The following LRP1B variants were observed in gnomAD, a reference collection of about 807,000 sequenced individuals.
The protein encoded by LRP1B is low-density lipoprotein receptor-related protein 1B.
Under a neutral mutation model 556.6 loss-of-function variants are expected in LRP1B, and 217 were observed. The ratio of observed to expected loss-of-function variants is 0.39; its 90% CI spans 0.35 to 0.44. LRP1B has a LOEUF of 0.44. LRP1B is among the 20% of genes least tolerant of loss of function. The pLI, the probability that LRP1B is intolerant of heterozygous loss-of-function variation, is 1.00. For missense variants in LRP1B, 5,053 were observed against 5,620.8 expected, an observed-to-expected ratio of 0.90 and a Z score of 3.23; for synonymous variants, 2,047 against 1,865.8, an observed-to-expected ratio of 1.10 and a Z score of -2.50.
chr2:141,336,521 C>T (rs1172593390), intron 3 of LRP1B, among the ~76,000 whole-genome samples: 1 of 152,054 alleles, frequency 6.6e-6, no homozygotes. Context: ...GTTAATTTTG[C>T]TTACAATTTT....
At chr2:141,150,708 G>T (rs774729186) in intron 7 of LRP1B, among the ~76,000 whole-genome samples, 59 of 152,116 alleles carry the variant, frequency 3.9e-4, no homozygotes, top group Non-Finnish European at 7.3e-4. Flanking sequence ...AAAGCCTTAA[G>T]TGACTTCACT....
At chr2:141,316,935 A>G (rs2105462208) in intron 3 of LRP1B, among the ~76,000 whole-genome samples, 1 of 152,340 alleles carries the variant, frequency 6.6e-6, no homozygotes, top group South Asian at 2.1e-4. Context: ...GGCAAGGTAC[A>G]ATGATAACAA....
intron 1 of LRP1B, among the ~76,000 whole-genome samples, chr2:142,000,766 T>A (rs1458148996): frequency 6.6e-6 from 1 of 152,224 alleles, no homozygotes. Flanking sequence ...TCTACTATTA[T>A]GCCTGTTCTA....
At chr2:141,033,821 C>T (rs1220951158) in intron 11 of LRP1B, among the ~76,000 whole-genome samples, 2 of 152,132 alleles carry the variant, frequency 1.3e-5, no homozygotes, top group Non-Finnish European at 2.9e-5. Flanking sequence ...GAACTGTGAA[C>T]AATAAATGTT....
At chr2:141,833,106 A>T (rs1298757446) in intron 1 of LRP1B, among the ~76,000 whole-genome samples, 1 of 151,786 alleles carries the variant, frequency 6.6e-6, no homozygotes. Context: ...CAGTTTTTAG[A>T]ATGAGATTTC....
At chr2:141,874,021 T>A (rs1034470461) in intron 1 of LRP1B, among the ~76,000 whole-genome samples, 1 of 143,356 alleles carries the variant, frequency 7.0e-6, no homozygotes, top group Admixed American at 7.0e-5. Flanking sequence ...AAGGAATATA[T>A]AAAACACAGA....
At chr2:141,912,283 A>G (rs1699925073) in intron 1 of LRP1B, among the ~76,000 whole-genome samples, 1 of 152,126 alleles carries the variant, frequency 6.6e-6, no homozygotes, top group South Asian at 2.1e-4. Flanking sequence ...GTATAATTCC[A>G]CTAATCATTA....
chr2:140,789,581 C>G (rs916242239), intron 32 of LRP1B, among the ~76,000 whole-genome samples: 1 of 149,814 alleles, frequency 6.7e-6, no homozygotes, highest in African/African-American at 2.5e-5. Flanking sequence ...CTAGCTATAC[C>G]AGCTGAGGCA....
chr2:140,435,972 TTC>T (rs879455930), intron 66 of LRP1B, among the ~76,000 whole-genome samples: 28 of 150,060 alleles, frequency 1.9e-4, no homozygotes, highest in Admixed American at 4.0e-4. Flanking sequence ...CTCTCTTCCT[TTC>T]TCTCTCTCTC....
intron 6 of LRP1B, among the ~76,000 whole-genome samples, chr2:141,217,886 A>C (rs1254961598): frequency 6.6e-6 from 1 of 152,180 alleles, no homozygotes; most frequent in African/African-American, 2.4e-5. Flanking sequence ...AACTTAAATA[A>C]ATGAATAAAT....
chr2:140,595,944 G>T (rs1016506088), intron 43 of LRP1B, among the ~76,000 whole-genome samples: 1 of 152,020 alleles, frequency 6.6e-6, no homozygotes. Context: ...AATAATTACA[G>T]AATATGAATT....
intron 32 of LRP1B, among the ~76,000 whole-genome samples, chr2:140,796,111 A>C (rs2104997479): frequency 6.6e-6 from 1 of 152,150 alleles, no homozygotes; most frequent in South Asian, 2.1e-4. Context: ...ACATTTTCAA[A>C]TTCGTTCATT....
chr2:141,844,383 C>G (rs1381279744), intron 1 of LRP1B, among the ~76,000 whole-genome samples: 1 of 152,010 alleles, frequency 6.6e-6, no homozygotes, highest in Admixed American at 6.6e-5. Flanking sequence ...ACTTTGTTAC[C>G]TAGCTATGTT....
intron 3 of LRP1B, among the ~76,000 whole-genome samples, chr2:141,307,783 G>A (rs1686652112): frequency 1.3e-5 from 2 of 152,156 alleles, no homozygotes; most frequent in African/African-American, 2.4e-5. Flanking sequence ...ATGTCCATAT[G>A]GGAAGATTCT....
At chr2:140,874,247 T>A (rs1693232808) in intron 25 of LRP1B, among the ~76,000 whole-genome samples, 1 of 152,170 alleles carries the variant, frequency 6.6e-6, no homozygotes, top group Non-Finnish European at 1.5e-5. Context: ...GACATTTACT[T>A]AAGGGATTGA....
Position 140,412,186 on chromosome 2 carries a change from T to C in LRP1B, c.10415-26177A>G, listed in dbSNP as rs908197546. Among the ~76,000 whole-genome samples the C allele has an allele frequency of 1.1e-4, 17 of 152,252 alleles. No individual in the cohort carries two copies. In the East Asian group the frequency reaches 2.7e-3, roughly 24 times the overall value. On this transcript the variant is annotated intron_variant, in intron 66 of 90. Coordinates refer to ENST00000389484, the MANE Select transcript of LRP1B (RefSeq NM_018557.3). ...TGTCTTAACTAGGAATGACTGTTAC[T>C]GGAAACTCTTACAAAATTCAACAAA...
chr2:141,864,563 G>GAA (rs11320074), intron 1 of LRP1B, among the ~76,000 whole-genome samples: 19,477 of 143,926 alleles, frequency 0.14, 1,495 homozygotes, highest in Non-Finnish European at 0.18. Context: ...AATCTTGAGG[G>GAA]AAAAAAAAAA....
chr2:141,020,040 C>G lies in LRP1B; in HGVS notation c.1852G>C (p.Asp618His), dbSNP rs149406448. 1.2e-5 allele frequency: 20 copies of G among 1,611,800 alleles called. No individual in the cohort carries two copies. The highest frequency in any genetic ancestry group is 2.7e-5 in the African/African-American group (2 of 74,786). Residue 618 changes from aspartate to histidine, a missense_variant, in exon 12 of 91, where the codon GAT (aspartate) becomes CAT (histidine). Around this residue, in one of 5 missense-constraint regions of LRP1B, gnomAD observed 3,619 missense variants for 3,931.9 expected, o/e 0.92. Transcript: ENST00000389484. ...ACATTAATGGTTTTCCTATGGCCATCATTGGTCCAGTAAAGATTATTTCCA... is the reference window on the plus strand; with the variant it reads ...ACATTAATGGTTTTCCTATGGCCATGATTGGTCCAGTAAAGATTATTTCCA... ...WIGNNLYWTNDGHRKTINVAR... is the reference protein window; with the variant it reads ...WIGNNLYWTNHGHRKTINVAR...
chr2:140,769,383 C>A (rs2104935300), intron 34 of LRP1B, 39 bp from the exon 35 acceptor site: 2 of 1,525,988 alleles, frequency 1.3e-6, no homozygotes, highest in South Asian at 1.2e-5. Context: ...GAAGGGAAGC[C>A]CAGAATGAAT....
Sources: allele counts gnomAD v4.1 joint callset (sites outside exome capture counted in the v4.1 genomes callset), GRCh38; gene constraint gnomAD v4.1.1; regional missense constraint gnomAD v4.1.1; transcripts MANE v1.5; gene names NCBI Gene and HGNC (gene_info 2026-07-23, HGNC 2026-07-21).